Variants in TENT5D observed in about 807,000 individuals in gnomAD.
TENT5D encodes the protein cancer/testis antigen 112.
For synonymous variants in TENT5D, 103 were observed against 100.6 expected, an observed-to-expected ratio of 1.02 and a Z score of -0.15; for missense variants, 191 against 287.0, an observed-to-expected ratio of 0.67 and a Z score of 2.42.
At chrX:80,419,273 C>T (rs1374746378), upstream of TENT5D, among the ~76,000 whole-genome samples, 2 of 111,465 alleles carry the variant, frequency 1.8e-5, no homozygotes, top group African/African-American at 3.3e-5. Context: ...GTATATTTTT[C>T]TTTAAAATTA....
intron 3 of TENT5D, among the ~76,000 whole-genome samples, chrX:80,354,858 TG>T (rs778529631): frequency 8.9e-6 from 1 of 112,324 alleles, no homozygotes; most frequent in East Asian, 2.8e-4. Flanking sequence ...TGTTTGAAGT[TG>T]CTGTCTTTTC....
chrX:80,435,255 T>C (rs780567754), intron 1 of TENT5D, among the ~76,000 whole-genome samples: 1 of 112,193 alleles, frequency 8.9e-6, no homozygotes, highest in Non-Finnish European at 1.9e-5. Context: ...GTTTAATATA[T>C]GCATGCAAAC....
At chrX:80,372,984 T>C (rs1024238024) in intron 3 of TENT5D, among the ~76,000 whole-genome samples, 1 of 110,390 alleles carries the variant, frequency 9.1e-6, no homozygotes, top group African/African-American at 3.3e-5. Context: ...CATAGTGATA[T>C]GTATTTATAC....
intron 3 of TENT5D, among the ~76,000 whole-genome samples, chrX:80,378,196 C>A (rs1212423014): frequency 8.9e-6 from 1 of 111,835 alleles, no homozygotes; most frequent in African/African-American, 3.3e-5. Context: ...TGCCTCTTCA[C>A]TCTGATGGCA....
intron 3 of TENT5D, among the ~76,000 whole-genome samples, chrX:80,412,882 G>A (rs1309949964): frequency 3.6e-5 from 4 of 111,420 alleles, no homozygotes; most frequent in Admixed American, 9.6e-5. Context: ...TGGATTCCAG[G>A]TTTTCCTAAG....
intron 1 of TENT5D, among the ~76,000 whole-genome samples, chrX:80,425,607 A>G (rs1931974683): frequency 8.9e-6 from 1 of 112,815 alleles, no homozygotes; most frequent in Non-Finnish European, 1.9e-5. Context: ...TAGAAACACA[A>G]TTGTCAAAGA....
At chrX:80,401,478 A>G (rs926346563) in intron 3 of TENT5D, among the ~76,000 whole-genome samples, 1 of 111,398 alleles carries the variant, frequency 9.0e-6, no homozygotes, top group Non-Finnish European at 1.9e-5. Flanking sequence ...AGGTTTCCTT[A>G]TCTCGTTCAT....
At chrX:80,365,005 A>T (rs947736824) in intron 3 of TENT5D, among the ~76,000 whole-genome samples, 2 of 110,720 alleles carry the variant, frequency 1.8e-5, no homozygotes, top group African/African-American at 6.6e-5. Flanking sequence ...AGCATAAAGT[A>T]AGTCCTTGGT....
At chrX:80,336,394 G>T (rs1929850535) in intron 2 of TENT5D, among the ~76,000 whole-genome samples, 1 of 109,806 alleles carries the variant, frequency 9.1e-6, no homozygotes, top group Non-Finnish European at 1.9e-5. Flanking sequence ...AAAATACAAG[G>T]TTCTAGGAAA....
At chrX:80,389,121 TGGTG>T (rs1931080195) in intron 3 of TENT5D, among the ~76,000 whole-genome samples, 2 of 111,811 alleles carry the variant, frequency 1.8e-5, no homozygotes. Context: ...GCTGGGGAAG[TGGTG>T]GCATCAGCAA....
chrX:80,345,785 A>C (rs911452545), intron 3 of TENT5D, among the ~76,000 whole-genome samples: 2 of 111,085 alleles, frequency 1.8e-5, no homozygotes, highest in Non-Finnish European at 3.8e-5. Flanking sequence ...TTTTCTTTCT[A>C]TTGCCAGAGT....
exon 3 of TENT5D, chrX:80,442,900 C>T: frequency 1.7e-6 from 2 of 1,211,027 alleles, no homozygotes; most frequent in Non-Finnish European, 2.2e-6. Context: ...GAAGGAAAAG[C>T]TCTCCCCAGA....
intron 3 of TENT5D, among the ~76,000 whole-genome samples, chrX:80,388,079 A>T (rs1931055360): frequency 9.1e-6 from 1 of 110,387 alleles, no homozygotes; most frequent in Non-Finnish European, 1.9e-5. Flanking sequence ...AGGGCTCTTC[A>T]TTCGGTTTTT....
At chrX:80,369,496 G>T (rs1217449391) in intron 3 of TENT5D, among the ~76,000 whole-genome samples, 1 of 111,604 alleles carries the variant, frequency 9.0e-6, no homozygotes, top group African/African-American at 3.3e-5. Flanking sequence ...AAATGAGTTA[G>T]CTAGCATTTA....
At chrX:80,344,996 A>G (rs901030248) in intron 3 of TENT5D, among the ~76,000 whole-genome samples, 5 of 111,231 alleles carry the variant, frequency 4.5e-5, no homozygotes, top group Non-Finnish European at 7.5e-5. Flanking sequence ...TTACCTATAA[A>G]CATAGAAAGA....
chrX:80,411,046 A>G, intron 3 of TENT5D, among the ~76,000 whole-genome samples: 1 of 94,406 alleles, frequency 1.1e-5, no homozygotes, highest in African/African-American at 4.0e-5. Context: ...TTGAACAATG[A>G]GAACACATGG....
chrX:80,399,876 A>G (rs1931359317), intron 3 of TENT5D, among the ~76,000 whole-genome samples: 1 of 112,205 alleles, frequency 8.9e-6, no homozygotes, highest in Non-Finnish European at 1.9e-5. Context: ...GGATACAGTA[A>G]GAAGAAATGA....
At chrX:80,359,471 TA>T (rs1487409772) in intron 3 of TENT5D, among the ~76,000 whole-genome samples, 1 of 111,263 alleles carries the variant, frequency 9.0e-6, no homozygotes, top group African/African-American at 3.3e-5. Flanking sequence ...AATGCAACCA[TA>T]AAAAAGAATG....
chrX:80,443,451 A>G (rs1408556047), exon 3 of TENT5D: 1 of 1,211,359 alleles, frequency 8.3e-7, no homozygotes, highest in Non-Finnish European at 1.1e-6. Context: ...CCTTGCATGG[A>G]GTTGTGAATG....
Sources: allele counts gnomAD v4.1 joint callset (sites outside exome capture counted in the v4.1 genomes callset), GRCh38; gene constraint gnomAD v4.1.1; transcripts MANE v1.5; gene names NCBI Gene and HGNC (gene_info 2026-07-23, HGNC 2026-07-21).